Variants in CA13 observed in about 807,000 individuals in gnomAD.
The protein encoded by CA13 is CA-XIII.
Under a neutral mutation model 31.5 loss-of-function variants are expected in CA13, and 21 were observed. The observed-to-expected ratio is 0.67, with a 90% CI of 0.47 to 0.96. CA13 has a LOEUF of 0.96. Among genes scored for constraint, CA13 ranks in the 40% least tolerant of loss-of-function variants. The pLI is 0.00. For synonymous variants in CA13, 117 were observed against 111.4 expected, an observed-to-expected ratio of 1.05 and a Z score of -0.32; for missense variants, 315 against 318.9, an observed-to-expected ratio of 0.99 and a Z score of 0.09.
intron 6 of CA13, 48 bp downstream of exon 6, chr8:85,268,675 G>A: frequency 7.1e-7 from 1 of 1,415,384 alleles, no homozygotes; most frequent in South Asian, 1.4e-5. Context: ...GAGGAAACTG[G>A]GCTTTTTTTT....
At chr8:85,268,027 C>T in intron 5 of CA13, 63 bp downstream of exon 5, 1 of 1,072,598 alleles carries the variant, frequency 9.3e-7, no homozygotes, top group Non-Finnish European at 1.4e-6. Context: ...CTCTTATCTT[C>T]CTTTAAAGAC....
At chr8:85,256,772 A>G (rs1300181036) in intron 2 of CA13, among the ~76,000 whole-genome samples, 1 of 152,198 alleles carries the variant, frequency 6.6e-6, no homozygotes, top group Non-Finnish European at 1.5e-5. Context: ...ATCATTGCAT[A>G]TTTAGTATTG....
At chr8:85,246,448 G>C (rs944534640) in intron 1 of CA13, 1 of 455,854 alleles carries the variant, frequency 2.2e-6, no homozygotes, top group Non-Finnish European at 4.4e-6. Context: ...CTACTACTGG[G>C]GACTTTAGTA....
chr8:85,280,587 C>T (rs1807688631), intron 6 of CA13, among the ~76,000 whole-genome samples: 1 of 152,118 alleles, frequency 6.6e-6, no homozygotes. Context: ...ACAAAATAAA[C>T]ACCAAAGATT....
chr8:85,272,034 C>T (rs1564004388), intron 6 of CA13, among the ~76,000 whole-genome samples: 2 of 152,098 alleles, frequency 1.3e-5, no homozygotes, highest in South Asian at 4.2e-4. Context: ...CGCCGCTGTA[C>T]TCCAGCCTGG....
intron 6 of CA13, among the ~76,000 whole-genome samples, chr8:85,275,061 C>T (rs1403036030): frequency 1.3e-5 from 2 of 152,172 alleles, no homozygotes; most frequent in African/African-American, 4.8e-5. Flanking sequence ...CCATTGGAGG[C>T]TGGTGTTCAT....
Position 85,259,726 on chromosome 8 carries a change from G to A in CA13, c.354+187G>A, listed in dbSNP as rs191104365. On this transcript the variant is annotated intron_variant, in intron 3 of 6. Coordinates refer to ENST00000321764, the MANE Select transcript of CA13 (RefSeq NM_198584.3). ...AGCTTCAGATGTTGCCCTCCTAAGC[G>A]TTAAACCAACCCTGAGAGCTTAGGG... 4.4e-4 allele frequency among the ~76,000 whole-genome samples: 67 copies of A among 152,272 alleles called. 1 individual carries two copies. Among genetic ancestry groups the A allele is most frequent in the Admixed American group, 1.4e-3 (21 of 15,294 alleles).
intron 6 of CA13, among the ~76,000 whole-genome samples, chr8:85,273,555 T>C (rs1807557016): frequency 6.6e-6 from 1 of 152,058 alleles, no homozygotes; most frequent in Non-Finnish European, 1.5e-5. Flanking sequence ...GCAAGGCCAC[T>C]TGCTCCAGCA....
At position 85,269,805 on chromosome 8, in the gene CA13, A is replaced by G. The variant is rs769019911; in HGVS notation, c.669+1178A>G. On this transcript the variant is annotated intron_variant, in intron 6 of 6. Coordinates refer to ENST00000321764, the MANE Select transcript of CA13 (RefSeq NM_198584.3). ...CTCCAACCTTGAACTCCTGGGCTCAAGCCATTCATCTTCCTGTCTCAGCCT... is the reference window on the plus strand; with the variant it reads ...CTCCAACCTTGAACTCCTGGGCTCAGGCCATTCATCTTCCTGTCTCAGCCT... 2.0e-4 allele frequency among the ~76,000 whole-genome samples: 30 copies of G among 152,314 alleles called. 2 individuals are homozygous for G. Among genetic ancestry groups the G allele is most frequent in the Middle Eastern group, 6.8e-3 (2 of 294 alleles).
At chr8:85,255,047 C>T (rs1209854288) in intron 2 of CA13, among the ~76,000 whole-genome samples, 4 of 151,990 alleles carry the variant, frequency 2.6e-5, no homozygotes, top group Non-Finnish European at 5.9e-5. Context: ...AAAATCCTTT[C>T]AAAAGGGAGT....
At chr8:85,276,352 C>T (rs575945016) in intron 6 of CA13, among the ~76,000 whole-genome samples, 41 of 152,184 alleles carry the variant, frequency 2.7e-4, no homozygotes, top group Non-Finnish European at 4.6e-4. Context: ...CCCAAACGAT[C>T]GCTGCCCCCT....
intron 2 of CA13, among the ~76,000 whole-genome samples, chr8:85,256,123 C>T (rs188089083): frequency 3.3e-5 from 5 of 151,938 alleles, no homozygotes; most frequent in South Asian, 2.1e-4. Context: ...GATTAACTCT[C>T]GATAAAATTA....
chr8:85,271,145 AT>A (rs1807520774), intron 6 of CA13, among the ~76,000 whole-genome samples: 1 of 152,242 alleles, frequency 6.6e-6, no homozygotes, highest in South Asian at 2.1e-4. Flanking sequence ...AAGAAAAAAA[AT>A]TCAGTCCCAG....
At chr8:85,271,352 C>T (rs1417424758) in intron 6 of CA13, among the ~76,000 whole-genome samples, 2 of 152,162 alleles carry the variant, frequency 1.3e-5, no homozygotes, top group Non-Finnish European at 2.9e-5. Flanking sequence ...GGGTTTTCTC[C>T]ACAATTTCTT....
At position 85,245,980 on chromosome 8, in the gene CA13, G is replaced by T; in HGVS notation, c.37+115G>T. The stretch of plus-strand genomic sequence containing the variant: ...GCTCGCACATTGAGAAACTTTTTCG[G>T]TTCCTCTTTAAACTAAGCAGCACTC... On this transcript the variant is annotated intron_variant, in intron 1 of 6. Coordinates refer to ENST00000321764, the MANE Select transcript of CA13 (RefSeq NM_198584.3). The T allele has an allele frequency of 4.1e-6, 5 of 1,227,628 alleles. No individual in the cohort carries two copies. In the South Asian group the frequency reaches 6.1e-5, roughly 15 times the overall value. The allele number at this position is 1,227,628 out of a possible 1,614,324, so 76.0% of individuals were successfully genotyped here. A position where few individuals can be genotyped will look rare whatever the true frequency, so the allele number is the denominator to read the frequency against.
intron 1 of CA13, 78 bp from the exon 2 acceptor site, chr8:85,250,662 C>T: frequency 2.4e-6 from 2 of 848,670 alleles, no homozygotes; most frequent in Admixed American, 2.5e-5. Flanking sequence ...ATTTCAAGCA[C>T]AGTGTGTTAT....
At chr8:85,276,959 C>T (rs1587546620) in intron 6 of CA13, among the ~76,000 whole-genome samples, 2 of 152,200 alleles carry the variant, frequency 1.3e-5, no homozygotes, top group East Asian at 1.9e-4. Context: ...CCAATCGACA[C>T]TCTGTATCTA....
intron 2 of CA13, among the ~76,000 whole-genome samples, chr8:85,254,655 G>A (rs1374511746): frequency 1.3e-5 from 2 of 151,810 alleles, no homozygotes; most frequent in African/African-American, 2.4e-5. Flanking sequence ...CAGTAGCTAT[G>A]TAAATATGGG....
At position 85,268,478 on chromosome 8, in the gene CA13, C is replaced by A; in HGVS notation, c.520C>A (p.Gln174Lys). ...TLDSIKEKGKQTRFTNFDLLS... is the reference protein window; with the variant it reads ...TLDSIKEKGKKTRFTNFDLLS... ...ATTCTTTTTGATCCTCCAGGGTAAACAAACTCGATTCACAAATTTTGACCT... is the reference window on the plus strand; with the variant it reads ...ATTCTTTTTGATCCTCCAGGGTAAAAAAACTCGATTCACAAATTTTGACCT... Residue 174 changes from glutamine to lysine, a missense_variant, in exon 6 of 7, where the codon CAA becomes AAA. Gln to Lys is a moderately conservative substitution (Grantham distance 53). Transcript: ENST00000321764. The A allele has an allele frequency of 6.2e-7, 1 of 1,614,004 alleles. No homozygotes were observed. The highest frequency in any genetic ancestry group is 1.1e-5 in the South Asian group (1 of 91,078).
Sources: allele counts gnomAD v4.1 joint callset (sites outside exome capture counted in the v4.1 genomes callset), GRCh38; gene constraint gnomAD v4.1.1; transcripts MANE v1.5; gene names NCBI Gene and HGNC (gene_info 2026-07-23, HGNC 2026-07-21).